The following PCNT variants were observed in gnomAD, a reference collection of about 807,000 sequenced individuals.
PCNT encodes kendrin.
In PCNT, 319 loss-of-function variants were observed where a neutral mutation model predicts 380.4. The ratio of observed to expected loss-of-function variants is 0.84; its 90% CI spans 0.77 to 0.92. The LOEUF (loss-of-function observed/expected upper bound fraction) is 0.92. PCNT is among the 40% of genes least tolerant of loss of function. The probability of loss-of-function intolerance (pLI) is 0.00; values close to 1 mark genes in which losing one functional copy is unlikely to be tolerated. For missense variants in PCNT, 4,400 were observed against 4,255.3 expected, an observed-to-expected ratio of 1.03 and a Z score of -0.95; for synonymous variants, 1,845 against 1,735.2, an observed-to-expected ratio of 1.06 and a Z score of -1.57.
chr21:46,426,059 G>T, intron 33 of PCNT, 88 bp downstream of exon 33: 11 of 799,344 alleles, frequency 1.4e-5, no homozygotes, highest in East Asian at 6.3e-5. Flanking sequence ...GTGGACACTA[G>T]GATTTCTTTC....
rs778971801 is a variant in PCNT at position 46,427,709 on chromosome 21, G to A, written c.7408G>A (p.Val2470Ile). The change falls in exon 34 of 47, where the codon GTT (valine) becomes ATT (isoleucine). Residue 2470 changes from valine to isoleucine, a missense_variant. Physicochemically the swap from Val to Ile is conservative, Grantham distance 29. Coordinates refer to ENST00000359568, the MANE Select transcript of PCNT (RefSeq NM_006031.6). The part of the protein sequence containing the change: ...AFEKEQEMQG[V>I]ELQPRLSGSD... ...TGAAAAAGAGCAGGAGATGCAGGGGGTTGAGCTGCAGCCCCGACTCAGTGG... is the reference window on the plus strand; with the variant it reads ...TGAAAAAGAGCAGGAGATGCAGGGGATTGAGCTGCAGCCCCGACTCAGTGG... 1 of 1,613,824 alleles carries A rather than the reference G, an allele frequency of 6.2e-7. No individual in the cohort carries two copies. Among genetic ancestry groups the A allele is most frequent in the Non-Finnish European group, 8.5e-7 (1 of 1,179,994 alleles).
At chr21:46,337,303 C>T (rs1976065658) in intron 3 of PCNT, among the ~76,000 whole-genome samples, 1 of 152,094 alleles carries the variant, frequency 6.6e-6, no homozygotes, top group Non-Finnish European at 1.5e-5. Flanking sequence ...TTGTTCAACT[C>T]TCCTGTAAGT....
chr21:46,436,944 C>A, intron 39 of PCNT, 35 bp from the exon 40 acceptor site: 1 of 1,431,556 alleles, frequency 7.0e-7, no homozygotes, highest in Non-Finnish European at 9.9e-7. Flanking sequence ...ACTTGGGGCG[C>A]GTATGCAACT....
At chr21:46,414,160 T>A (rs2147730687) in intron 29 of PCNT, among the ~76,000 whole-genome samples, 1 of 152,012 alleles carries the variant, frequency 6.6e-6, no homozygotes, top group Admixed American at 6.5e-5. Context: ...CCCAGCTGAT[T>A]TTTGTATTTT....
intron 27 of PCNT, among the ~76,000 whole-genome samples, chr21:46,404,727 G>A (rs2086573697): frequency 6.6e-6 from 1 of 152,062 alleles, no homozygotes; most frequent in Admixed American, 6.5e-5. Flanking sequence ...AGGAGGGTGG[G>A]TTACTTGAGC....
chr21:46,353,175 A>T lies in PCNT; in HGVS notation c.1528A>T (p.Thr510Ser). 2 of 1,613,998 alleles carry T rather than the reference A, an allele frequency of 1.2e-6. No homozygotes were observed. Among genetic ancestry groups the T allele is most frequent in the South Asian group, 1.1e-5 (1 of 91,078 alleles). ...DLEQLKQREK[T>S]QHESELEQLR... ...AGAACAGCTGAAGCAGCGAGAAAAAACCCAGCATGAGTCCGAACTGGAGCA... is the reference window on the plus strand; with the variant it reads ...AGAACAGCTGAAGCAGCGAGAAAAATCCCAGCATGAGTCCGAACTGGAGCA... The change falls in exon 10 of 47, where the codon ACC becomes TCC. Residue 510 changes from threonine (T) to serine (S), a missense_variant. Thr to Ser is a moderately conservative substitution (Grantham distance 58). Coordinates refer to ENST00000359568, the MANE Select transcript of PCNT (RefSeq NM_006031.6).
intron 13 of PCNT, among the ~76,000 whole-genome samples, chr21:46,360,321 C>T (rs1409032532): frequency 6.9e-6 from 1 of 143,980 alleles, no homozygotes; most frequent in Non-Finnish European, 1.5e-5. Flanking sequence ...CTCCCGGGTT[C>T]ATGCCATTCT....
chr21:46,397,008 G>A (rs1017847709), intron 21 of PCNT, among the ~76,000 whole-genome samples: 32 of 152,164 alleles, frequency 2.1e-4, no homozygotes, highest in Non-Finnish European at 3.8e-4. Flanking sequence ...GGGCTTAGTC[G>A]TGTGTTTCTG....
chr21:46,401,490 G>A, intron 25 of PCNT, 61 bp from the exon 26 acceptor site: 1 of 1,316,862 alleles, frequency 7.6e-7, no homozygotes, highest in South Asian at 1.2e-5. Context: ...TTAACAGGCA[G>A]CAGTTGAGGT....
rs781589883 is a variant in PCNT, at chr21:46,416,821, T to C, written c.6903T>C (p.His2301=). 3.8e-6 allele frequency: 6 copies of C among 1,598,170 alleles called. No homozygotes were observed. In the East Asian group the frequency reaches 8.9e-5, roughly 24 times the overall value. The part of the protein sequence containing the change: ...WAESPPADDH[H]VQRTAVEKDV... ...AGTCTCCGCCGGCTGACGACCACCA[T>C]GTGCAGAGGACGGCTGTGGTAGGTG... The change falls in exon 30 of 47, where the codon CAT becomes CAC. Residue 2301 remains histidine (H), a synonymous_variant. Coordinates refer to ENST00000359568, the MANE Select transcript of PCNT (RefSeq NM_006031.6).
At chr21:46,412,638 G>A (rs1352492903) in intron 28 of PCNT, among the ~76,000 whole-genome samples, 199 bp from the exon 29 acceptor site, 1 of 152,216 alleles carries the variant, frequency 6.6e-6, no homozygotes, top group Non-Finnish European at 1.5e-5. Flanking sequence ...TCCTGGGTCG[G>A]GGCAGCTTTC....
At chr21:46,391,397 AG>A (rs775511150) in intron 21 of PCNT, 21 bp downstream of exon 21, 123 of 1,538,340 alleles carry the variant, frequency 8.0e-5, no homozygotes, top group Non-Finnish European at 1.0e-4. Flanking sequence ...CGGGCTGTGG[AG>A]GGTGGTGCGA....
intron 43 of PCNT, among the ~76,000 whole-genome samples, chr21:46,441,338 T>C (rs1158265581): frequency 6.6e-6 from 1 of 152,232 alleles, no homozygotes; most frequent in Non-Finnish European, 1.5e-5. Flanking sequence ...TCTTGACTTT[T>C]AATGGGTTTC....
chr21:46,350,655 G>A (rs1466248732), intron 8 of PCNT, among the ~76,000 whole-genome samples: 1 of 152,144 alleles, frequency 6.6e-6, no homozygotes, highest in Non-Finnish European at 1.5e-5. Flanking sequence ...GTCTTAGGGA[G>A]GCCTGTCCTG....
At chr21:46,429,912 T>C in intron 35 of PCNT, 98 bp from the exon 36 acceptor site, 1 of 920,130 alleles carries the variant, frequency 1.1e-6, no homozygotes, top group South Asian at 1.5e-5. Context: ...CCGAAGCACA[T>C]ACACCTCACG....
At chr21:46,404,010 C>T (rs1266254243) in intron 27 of PCNT, among the ~76,000 whole-genome samples, 2 of 135,576 alleles carry the variant, frequency 1.5e-5, no homozygotes, top group Middle Eastern at 4.3e-3. Flanking sequence ...ATGAACACAG[C>T]GTGGGAGAAT....
chr21:46,431,480 A>G, intron 37 of PCNT, 49 bp from the exon 38 acceptor site: 2 of 1,613,556 alleles, frequency 1.2e-6, no homozygotes, highest in Non-Finnish European at 1.7e-6. Flanking sequence ...CCATGTAGAC[A>G]CTTTTCCTCT....
chr21:46,370,230 G>C (rs925102343), intron 15 of PCNT, among the ~76,000 whole-genome samples: 4 of 152,106 alleles, frequency 2.6e-5, no homozygotes, highest in African/African-American at 4.8e-5. Flanking sequence ...CATCCGGGGG[G>C]GGGTGTCTTT....
In PCNT at chr21:46,414,116, C is replaced by T. The variant is rs577855106; in HGVS notation, c.6150+1124C>T. Among the ~76,000 whole-genome samples, 11 of 152,210 alleles carry T rather than the reference C, an allele frequency of 7.2e-5. No homozygotes were observed. The East Asian group carries it at 1.4e-3, about 19-fold the overall frequency. ...AAGTGATTCTGCAGCCTCAGCCTCCCGAGTAGCTGGGACTGCAGGCATGCG... is the reference window on the plus strand; with the variant it reads ...AAGTGATTCTGCAGCCTCAGCCTCCTGAGTAGCTGGGACTGCAGGCATGCG... On this transcript the variant is annotated intron_variant, in intron 29 of 46. Transcript: ENST00000359568.
Sources: gnomAD v4.1 joint callset for allele counts (sites outside exome capture counted in the v4.1 genomes callset) on GRCh38, gnomAD v4.1.1 for gene constraint, MANE v1.5 for transcripts, NCBI Gene and HGNC (gene_info 2026-07-23, HGNC 2026-07-21) for gene names.